TCN2: variants seen among roughly 807,000 people sequenced by gnomAD.
The protein encoded by TCN2 is transcobalamin 2.
Under a neutral mutation model 48.6 loss-of-function variants are expected in TCN2, and 34 were observed. The ratio of observed to expected loss-of-function variants is 0.70; its 90% CI spans 0.53 to 0.93. TCN2 has a LOEUF of 0.93. Among genes scored for constraint, TCN2 ranks in the 40% least tolerant of loss-of-function variants. The probability of loss-of-function intolerance (pLI) is 0.00; values close to 1 mark genes in which losing one functional copy is unlikely to be tolerated. For synonymous variants in TCN2, 283 were observed against 212.5 expected (o/e 1.33, Z -2.89); for missense variants, 652 against 526.1 (o/e 1.24, Z -2.34).
At chr22:30,623,728 ATG>A (rs2087736201) in intron 8 of TCN2, among the ~76,000 whole-genome samples, 6 of 133,888 alleles carry the variant, frequency 4.5e-5, no homozygotes, top group African/African-American at 6.8e-5. Flanking sequence ...ACACATATAT[ATG>A]TATACATATA....
chr22:30,615,333 T>G lies in TCN2; in HGVS notation c.613T>G (p.Cys205Gly), dbSNP rs748055258. The G allele has an allele frequency of 6.2e-7, 1 of 1,614,224 alleles. No individual in the cohort carries two copies. Among genetic ancestry groups the G allele is most frequent in the Non-Finnish European group, 8.5e-7 (1 of 1,180,032 alleles). ...TAAMAGLAFT[C>G]LKRSNFNPGR... is the part of the protein sequence containing the mutation. Reference sequence around the variant, plus strand: ...AGCCATGGCAGGCTTGGCATTCACCTGTCTGAAGCGCTCAAACTTCAACCC... The same window carrying G: ...AGCCATGGCAGGCTTGGCATTCACCGGTCTGAAGCGCTCAAACTTCAACCC... The change falls in exon 5 of 9, where the codon TGT becomes GGT. Residue 205 changes from cysteine (C) to glycine (G), a missense_variant. Cys to Gly is a radical substitution (Grantham distance 159). Transcript: ENST00000215838.
At chr22:30,623,903 C>CATAT (rs67404596) in intron 8 of TCN2, among the ~76,000 whole-genome samples, 1 of 27,158 alleles carries the variant, frequency 3.7e-5, no homozygotes, top group Non-Finnish European at 6.8e-5. Flanking sequence ...TATATGTATA[C>CATAT]ATATATATAC....
intron 6 of TCN2, 66 bp from the exon 7 acceptor site, chr22:30,617,264 A>G: frequency 6.2e-7 from 1 of 1,608,804 alleles, no homozygotes; most frequent in South Asian, 1.1e-5. Flanking sequence ...GAGGGAAGAC[A>G]AGAAGACAAA....
intron 8 of TCN2, 97 bp from the exon 9 acceptor site, chr22:30,626,363 A>G: frequency 7.5e-7 from 1 of 1,334,002 alleles, no homozygotes; most frequent in South Asian, 1.2e-5. Context: ...GTGGATTCTT[A>G]CAGACTCTAG....
intron 8 of TCN2, chr22:30,623,442 T>G (rs1325549742): frequency 9.5e-6 from 2 of 210,488 alleles, no homozygotes; most frequent in Non-Finnish European, 1.9e-5. Context: ...AACCTCCGCC[T>G]CCTGGGTTCA....
chr22:30,614,089 A>G (rs1321816717), intron 3 of TCN2, among the ~76,000 whole-genome samples: 3 of 152,238 alleles, frequency 2.0e-5, no homozygotes, highest in Non-Finnish European at 2.9e-5. Flanking sequence ...TCTCGTTGCA[A>G]TTGCAGTCGC....
intron 8 of TCN2, among the ~76,000 whole-genome samples, chr22:30,625,386 G>A (rs1162272457): frequency 7.3e-6 from 1 of 137,000 alleles, no homozygotes; most frequent in African/African-American, 2.8e-5. Context: ...ACTTTCTGGG[G>A]CCTTGTTTTT....
At position 30,626,645 on chromosome 22, in the gene TCN2, C is replaced by T; in HGVS notation, c.*124C>T. On this transcript the variant is annotated 3_prime_UTR_variant, in exon 9 of 9. Transcript: ENST00000215838. Reference sequence around the variant, plus strand: ...ACCTCCTGTGCACTTTGAGCAATGCCCCCTGGGATCACCCCAGCCACAAGC... The same window carrying T: ...ACCTCCTGTGCACTTTGAGCAATGCTCCCTGGGATCACCCCAGCCACAAGC... 9.3e-7 allele frequency: 1 copy of T among 1,070,634 alleles called. No individual in the cohort carries two copies. Among genetic ancestry groups the T allele is most frequent in the Admixed American group, 2.0e-5 (1 of 50,816 alleles). 66.3% of individuals were successfully genotyped at this position (1,070,634 alleles called of 1,614,324 possible).
Position 30,610,924 on chromosome 22 carries a change from C to T in TCN2, c.118C>T (p.Pro40Ser). 1 of 1,614,190 alleles carries T rather than the reference C, an allele frequency of 6.2e-7. No individual in the cohort carries two copies. Among genetic ancestry groups the T allele is most frequent in the South Asian group, 1.1e-5 (1 of 91,088 alleles). Reference sequence around the variant, plus strand: ...AGAGAAGTTGGGCCAGCACCTCTTACCTTGGATGGACCGGCTTTCCCTGGA... The same window carrying T: ...AGAGAAGTTGGGCCAGCACCTCTTATCTTGGATGGACCGGCTTTCCCTGGA... ...LVEKLGQHLL[P>S]WMDRLSLEHL... Residue 40 changes from proline to serine, a missense_variant, in exon 2 of 9, where the codon CCT (proline) becomes TCT (serine). Physicochemically the swap from Pro to Ser is moderately conservative, Grantham distance 74. Coordinates refer to ENST00000215838, the MANE Select transcript of TCN2 (RefSeq NM_000355.4).
chr22:30,623,821 C>CATAT (rs1189547818), intron 8 of TCN2, among the ~76,000 whole-genome samples: 2,665 of 30,600 alleles, frequency 0.087, 1,121 homozygotes, highest in African/African-American at 0.56. Flanking sequence ...TATACACACA[C>CATAT]ATACACACAC....
In TCN2 at chr22:30,623,921, T is replaced by TATACACACACAC. The variant is rs1569046859; in HGVS notation, c.1222+841_1222+842insCACACACACATA. Among the ~76,000 whole-genome samples the TATACACACACAC allele has an allele frequency of 7.7e-4, 18 of 23,360 alleles. 7 individuals are homozygous for TATACACACACAC. The highest frequency in any genetic ancestry group is 3.1e-3 in the East Asian group (7 of 2,274). 15.3% of individuals were successfully genotyped at this position (23,360 alleles called of 152,430 possible). ...ATGTATACATATATATACACACATA[T>TATACACACACAC]ATATGTATACATATATACACACACA... On this transcript the variant is annotated intron_variant, in intron 8 of 8. Transcript: ENST00000215838.
intron 3 of TCN2, among the ~76,000 whole-genome samples, chr22:30,613,328 G>A (rs945297232): frequency 6.6e-6 from 1 of 152,120 alleles, no homozygotes; most frequent in Non-Finnish European, 1.5e-5. Context: ...TGCCCAGGCT[G>A]GAGTACAATG....
rs777423077 is a variant in TCN2 at position 30,617,450 on chromosome 22, C to T, written c.1061C>T (p.Thr354Ile). ...TCCATCTCTGTTCTGGCCGGGTCCA[C>T]CGTGGAAGATGTCCTGAAGAAGGCC... ...RQSISVLAGS[T>I]VEDVLKKAHE... is the part of the protein sequence containing the mutation. Residue 354 changes from threonine (T) to isoleucine (I), a missense_variant, in exon 7 of 9, where the codon ACC becomes ATC. Thr to Ile is a moderately conservative substitution (Grantham distance 89). Transcript: ENST00000215838. 5 of 1,614,140 alleles carry T rather than the reference C, an allele frequency of 3.1e-6. No individual in the cohort carries two copies.
In TCN2 at chr22:30,623,034, A is replaced by C; in HGVS notation, c.1173A>C (p.Glu391Asp). ...CCGTGATGGGGAAAGCGGCCGGAGA[A>C]AGGGAGTTCTGGCAGCTTCTCCGAG... ...LTSVMGKAAGEREFWQLLRDP... is the reference protein window; with the variant it reads ...LTSVMGKAAGDREFWQLLRDP... The change falls in exon 8 of 9, where the codon GAA becomes GAC. Residue 391 changes from glutamate to aspartate, a missense_variant. Physicochemically the swap from Glu to Asp is conservative, Grantham distance 45 (BLOSUM62 2). Transcript: ENST00000215838. 6.2e-7 allele frequency: 1 copy of C among 1,614,014 alleles called. No homozygotes were observed. The highest frequency in any genetic ancestry group is 8.5e-7 in the Non-Finnish European group (1 of 1,179,988).
chr22:30,610,829 G>T (rs2087526734), intron 1 of TCN2, 42 bp from the exon 2 acceptor site: 1 of 1,609,084 alleles, frequency 6.2e-7, no homozygotes, highest in Non-Finnish European at 8.5e-7. Flanking sequence ...TTTGCTGGTG[G>T]CCTGGCCCTG....
chr22:30,609,861 G>A (rs892831450), intron 1 of TCN2, among the ~76,000 whole-genome samples: 34 of 152,130 alleles, frequency 2.2e-4, no homozygotes, highest in Non-Finnish European at 1.3e-4. Context: ...TGGGGCTGTC[G>A]GGAAAACAGA....
Position 30,607,231 on chromosome 22 carries a change from C to T in TCN2, c.-101C>T, listed in dbSNP as rs749709302. 2.4e-6 allele frequency: 3 copies of T among 1,270,116 alleles called. No individual in the cohort carries two copies. Among genetic ancestry groups the T allele is most frequent in the East Asian group, 4.6e-5 (2 of 43,206 alleles). The allele number at this position is 1,270,116 out of a possible 1,614,324, so 78.7% of individuals were successfully genotyped here. On this transcript the variant is annotated 5_prime_UTR_variant, in exon 1 of 9. Transcript: ENST00000215838. ...ATTAATCAGTGACAGGAAGCTGCGT[C>T]TCTCGGAGCGGTGACCAGCTGTGGT...
Position 30,607,255 on chromosome 22 carries a change from G to T in TCN2, c.-77G>T. The T allele has an allele frequency of 2.0e-6, 3 of 1,526,994 alleles. No individual in the cohort carries two copies. The highest frequency in any genetic ancestry group is 2.7e-6 in the Non-Finnish European group (3 of 1,101,286). The allele number at this position is 1,526,994 out of a possible 1,614,324, so 94.6% of individuals were successfully genotyped here. On this transcript the variant is annotated 5_prime_UTR_variant, in exon 1 of 9. Coordinates refer to ENST00000215838, the MANE Select transcript of TCN2 (RefSeq NM_000355.4). ...TCTCTCGGAGCGGTGACCAGCTGTG[G>T]TCAGGAGAGCCTCAGCAGGGCCAGC... is the stretch of plus-strand genomic sequence containing the variant.
At chr22:30,620,562 C>T (rs760448304) in intron 7 of TCN2, among the ~76,000 whole-genome samples, 8 of 152,212 alleles carry the variant, frequency 5.3e-5, no homozygotes, top group Non-Finnish European at 1.0e-4. Flanking sequence ...TGGGCACCAG[C>T]GCAGTCACTG....
Sources: gnomAD v4.1 joint callset for allele counts (sites outside exome capture counted in the v4.1 genomes callset) on GRCh38, gnomAD v4.1.1 for gene constraint, MANE v1.5 for transcripts, NCBI Gene and HGNC (gene_info 2026-07-23, HGNC 2026-07-21) for gene names.